CDC14A: variants seen among roughly 807,000 people sequenced by gnomAD.
The protein encoded by CDC14A is dual specificity protein phosphatase CDC14A.
Under a neutral mutation model 74.4 loss-of-function variants are expected in CDC14A, and 53 were observed. The ratio of observed to expected loss-of-function variants is 0.71; its 90% CI spans 0.57 to 0.89. The LOEUF (loss-of-function observed/expected upper bound fraction) is 0.89, where lower values mean the gene tolerates loss of function less well. CDC14A is among the 40% of genes least tolerant of loss of function. The pLI is 0.00. For missense variants in CDC14A, 646 were observed against 713.7 expected, an observed-to-expected ratio of 0.91 and a Z score of 1.08; for synonymous variants, 247 against 258.4, an observed-to-expected ratio of 0.96 and a Z score of 0.43.
At chr1:100,395,842 G>A (rs1477667458) in intron 4 of CDC14A, among the ~76,000 whole-genome samples, 1 of 152,104 alleles carries the variant, frequency 6.6e-6, no homozygotes, top group African/African-American at 2.4e-5. Flanking sequence ...GAAATTCCAT[G>A]CTTGTTCCTA....
At chr1:100,450,113 G>A (rs906104403) in intron 7 of CDC14A, among the ~76,000 whole-genome samples, 3 of 152,106 alleles carry the variant, frequency 2.0e-5, no homozygotes, top group East Asian at 1.9e-4. Flanking sequence ...TAATATGTGA[G>A]TGGGGACCTA....
intron 4 of CDC14A, among the ~76,000 whole-genome samples, chr1:100,412,746 ATATATATTTTATATATATATAT>A (rs1661003589): frequency 8.8e-6 from 1 of 113,050 alleles, no homozygotes; most frequent in African/African-American, 4.4e-5. Context: ...TATTTTATAT[ATATATATTTTATATATATATAT>A]TATATATATA....
intron 15 of CDC14A, among the ~76,000 whole-genome samples, chr1:100,517,523 AT>A (rs1378496980): frequency 1.3e-5 from 2 of 152,176 alleles, no homozygotes; most frequent in Non-Finnish European, 2.9e-5. Context: ...GTAACTCTCT[AT>A]CTTTTCCTGG....
At chr1:100,384,731 A>G (rs186040844) in intron 3 of CDC14A, among the ~76,000 whole-genome samples, 3 of 152,362 alleles carry the variant, frequency 2.0e-5, no homozygotes, top group Admixed American at 2.0e-4. Context: ...AACACTGTTT[A>G]AAAAATTTTA....
Position 100,353,945 on chromosome 1 carries a change from T to C in CDC14A, c.140+93T>C, listed in dbSNP as rs977086306. The C allele has an allele frequency of 1.7e-5, 12 of 700,384 alleles. No individual in the cohort carries two copies. The African/African-American group carries it at 1.8e-4, about 11-fold the overall frequency. 43.4% of individuals were successfully genotyped at this position (700,384 alleles called of 1,614,324 possible). On this transcript the variant is annotated intron_variant, in intron 2 of 15. Coordinates refer to ENST00000336454, the MANE Select transcript of CDC14A (RefSeq NM_003672.4). ...CACTTTTATGGCAGTTTTATTCATT[T>C]CCCCCCCAATGATACGAGTAACAAT...
At chr1:100,391,881 C>A (rs1213387713) in intron 4 of CDC14A, among the ~76,000 whole-genome samples, 1 of 152,226 alleles carries the variant, frequency 6.6e-6, no homozygotes, top group African/African-American at 2.4e-5. Flanking sequence ...CCCTGCCCAC[C>A]TTTTGTCCCT....
At position 100,467,718 on chromosome 1, in the gene CDC14A, A is replaced by G. The variant is rs1396652204; in HGVS notation, c.839-238A>G. ...CTCCAGCCAGTAATGCTGCTGCCAG[A>G]CCCATTTGCTTTTTATCACATCACT... On this transcript the variant is annotated intron_variant, in intron 9 of 15. Transcript: ENST00000336454. Among the ~76,000 whole-genome samples, 3 of 151,992 alleles carry G rather than the reference A, an allele frequency of 2.0e-5. No homozygotes were observed. The South Asian group carries it at 6.2e-4, about 32-fold the overall frequency.
At chr1:100,516,125 TG>T (rs1571372124) in intron 15 of CDC14A, among the ~76,000 whole-genome samples, 1 of 152,226 alleles carries the variant, frequency 6.6e-6, no homozygotes, top group Non-Finnish European at 1.5e-5. Flanking sequence ...GTAAAGGCTT[TG>T]GATAGAAGAC....
chr1:100,390,197 T>G (rs1267452150), intron 3 of CDC14A, among the ~76,000 whole-genome samples: 2 of 152,178 alleles, frequency 1.3e-5, no homozygotes, highest in Non-Finnish European at 2.9e-5. Context: ...TTAATGGTAT[T>G]TTTCCATTAA....
At chr1:100,376,106 C>T (rs1447475084) in intron 2 of CDC14A, among the ~76,000 whole-genome samples, 1 of 151,902 alleles carries the variant, frequency 6.6e-6, no homozygotes, top group African/African-American at 2.4e-5. Context: ...AATGAGAACA[C>T]TTGGACATGG....
chr1:100,500,482 G>C (rs910897099), intron 15 of CDC14A, among the ~76,000 whole-genome samples: 9 of 152,178 alleles, frequency 5.9e-5, no homozygotes, highest in African/African-American at 1.7e-4. Context: ...GATGGGCCAG[G>C]CTCAGTGGCT....
intron 10 of CDC14A, among the ~76,000 whole-genome samples, chr1:100,473,186 T>C (rs754662980): frequency 3.3e-5 from 5 of 152,152 alleles, no homozygotes; most frequent in Non-Finnish European, 5.9e-5. Context: ...TTGAGTCTTC[T>C]AATCCATAAA....
chr1:100,440,368 C>A (rs1246930000), intron 6 of CDC14A, among the ~76,000 whole-genome samples: 1 of 152,128 alleles, frequency 6.6e-6, no homozygotes, highest in Admixed American at 6.6e-5. Flanking sequence ...CTTGGTCCCA[C>A]CCCAGACCCA....
chr1:100,447,087 T>C (rs1665634854), intron 7 of CDC14A, among the ~76,000 whole-genome samples: 1 of 152,294 alleles, frequency 6.6e-6, no homozygotes, highest in African/African-American at 2.4e-5. Context: ...AGAGTATGGA[T>C]TCTGTAAGGA....
chr1:100,346,648 AAGT>A (rs1650454747), intron 1 of CDC14A, among the ~76,000 whole-genome samples: 2 of 152,074 alleles, frequency 1.3e-5, no homozygotes, highest in Admixed American at 6.5e-5. Flanking sequence ...AAAAAAAAAA[AAGT>A]AGTAATGACA....
At chr1:100,407,912 T>C (rs1004864659) in intron 4 of CDC14A, among the ~76,000 whole-genome samples, 1 of 152,320 alleles carries the variant, frequency 6.6e-6, no homozygotes, top group Admixed American at 6.5e-5. Flanking sequence ...AATGCTTTTA[T>C]TTAAAAAAAT....
chr1:100,462,902 G>A (rs763512493), intron 9 of CDC14A, 21 bp downstream of exon 9: 1 of 1,580,548 alleles, frequency 6.3e-7, no homozygotes, highest in South Asian at 1.1e-5. Flanking sequence ...GGCCTCGGTG[G>A]TGGTGGCTGT....
intron 4 of CDC14A, among the ~76,000 whole-genome samples, chr1:100,418,937 C>T (rs1272942806): frequency 6.6e-6 from 1 of 152,172 alleles, no homozygotes; most frequent in Non-Finnish European, 1.5e-5. Context: ...GTAATCCCAG[C>T]ACTTTGGGAG....
At chr1:100,448,093 C>T (rs186050348) in intron 7 of CDC14A, among the ~76,000 whole-genome samples, 1 of 152,264 alleles carries the variant, frequency 6.6e-6, no homozygotes, top group East Asian at 1.9e-4. Context: ...TCAGTGGCAA[C>T]ATCGGAGGTT....
Sources: allele counts gnomAD v4.1 joint callset (sites outside exome capture counted in the v4.1 genomes callset), GRCh38; gene constraint gnomAD v4.1.1; transcripts MANE v1.5; gene names NCBI Gene and HGNC (gene_info 2026-07-23, HGNC 2026-07-21).